TEX11: variants seen among roughly 807,000 people sequenced by gnomAD.
TEX11 encodes the protein testis-expressed protein 11.
In TEX11, 7 loss-of-function variants were observed where a neutral mutation model predicts 84.4. That is an observed-to-expected ratio of 0.08 (90% confidence interval 0.05 to 0.16). The LOEUF (loss-of-function observed/expected upper bound fraction) is 0.16, where lower values mean the gene tolerates loss of function less well. Ranked by LOEUF, TEX11 falls within the 10% of genes least tolerant of loss-of-function variation. The pLI, the probability that TEX11 is intolerant of heterozygous loss-of-function variation, is 1.00. For missense variants in TEX11, 551 were observed against 660.5 expected (o/e 0.83, Z 1.82); for synonymous variants, 264 against 222.8 (o/e 1.18, Z -1.64).
chrX:70,760,940 G>T (rs753853210), intron 9 of TEX11, among the ~76,000 whole-genome samples: 1 of 112,033 alleles, frequency 8.9e-6, no homozygotes, highest in Non-Finnish European at 1.9e-5. Context: ...CCATGAAAAA[G>T]TAGGCAAAGG....
chrX:70,792,597 G>A (rs1277337619), intron 9 of TEX11, among the ~76,000 whole-genome samples: 1 of 107,225 alleles, frequency 9.3e-6, no homozygotes, highest in East Asian at 2.9e-4. Context: ...AAAGATCAAC[G>A]AAACCAAAAC....
intron 13 of TEX11, among the ~76,000 whole-genome samples, chrX:70,716,922 CA>C (rs1434292926): frequency 8.9e-6 from 1 of 112,420 alleles, no homozygotes; most frequent in Non-Finnish European, 1.9e-5. Flanking sequence ...ATCTTGGCTC[CA>C]CCTCCAATTA....
intron 9 of TEX11, among the ~76,000 whole-genome samples, chrX:70,801,130 A>G (rs904758752): frequency 9.0e-6 from 1 of 111,180 alleles, no homozygotes; most frequent in African/African-American, 3.3e-5. Context: ...TTTCAGGGCA[A>G]AGTTTGATTT....
intron 13 of TEX11, among the ~76,000 whole-genome samples, chrX:70,711,304 A>G (rs1162767205): frequency 9.0e-6 from 1 of 111,328 alleles, no homozygotes; most frequent in Non-Finnish European, 1.9e-5. Flanking sequence ...GTATATACCC[A>G]GTAATGGGAT....
At chrX:70,683,377 T>A (rs1021855028) in intron 13 of TEX11, among the ~76,000 whole-genome samples, 2 of 112,041 alleles carry the variant, frequency 1.8e-5, no homozygotes, top group African/African-American at 3.2e-5. Context: ...ACGCCTGTAA[T>A]CCCAGCACTT....
At chrX:70,664,200 C>G (rs2089957054) in intron 16 of TEX11, among the ~76,000 whole-genome samples, 1 of 111,747 alleles carries the variant, frequency 8.9e-6, no homozygotes, top group African/African-American at 3.2e-5. Flanking sequence ...ATTGATTCAA[C>G]CTAATTTGAG....
chrX:70,845,851 T>C (rs1382113273), intron 7 of TEX11, among the ~76,000 whole-genome samples: 1 of 110,792 alleles, frequency 9.0e-6, no homozygotes, highest in Non-Finnish European at 1.9e-5. Flanking sequence ...AAATAGTTAA[T>C]TCGGCTCACA....
chrX:70,763,116 A>G (rs756611493), intron 9 of TEX11, among the ~76,000 whole-genome samples: 3 of 112,581 alleles, frequency 2.7e-5, no homozygotes, highest in Non-Finnish European at 3.7e-5. Flanking sequence ...TATATACCCA[A>G]AGGAAAATAA....
chrX:70,732,902 T>C (rs1309983008), intron 11 of TEX11, among the ~76,000 whole-genome samples: 9 of 111,822 alleles, frequency 8.0e-5, no homozygotes, highest in Non-Finnish European at 5.6e-5. Flanking sequence ...CTTCAAACTA[T>C]ACTACAAGGC....
chrX:70,651,289 C>T (rs1054305429), intron 17 of TEX11, among the ~76,000 whole-genome samples, 161 bp downstream of exon 17: 6 of 111,688 alleles, frequency 5.4e-5, no homozygotes, highest in South Asian at 3.7e-4. Flanking sequence ...TAACCTTCCA[C>T]GGTTTCTTTT....
At chrX:70,832,873 A>G (rs779754790) in intron 8 of TEX11, among the ~76,000 whole-genome samples, 2 of 111,045 alleles carry the variant, frequency 1.8e-5, no homozygotes, top group East Asian at 5.5e-4. Flanking sequence ...TTGTCAGCAG[A>G]CAAACTCATT....
chrX:70,737,977 A>G (rs977631095), intron 11 of TEX11, among the ~76,000 whole-genome samples: 1 of 111,859 alleles, frequency 8.9e-6, no homozygotes, highest in African/African-American at 3.2e-5. Flanking sequence ...CTTAAATGTA[A>G]AACCAAAACA....
intron 9 of TEX11, among the ~76,000 whole-genome samples, chrX:70,783,553 G>A (rs898110320): frequency 9.0e-6 from 1 of 111,299 alleles, no homozygotes; most frequent in African/African-American, 3.3e-5. Flanking sequence ...TTTTTGAAAA[G>A]ATCAACAAAA....
chrX:70,806,994 C>T (rs1324415124), intron 8 of TEX11, among the ~76,000 whole-genome samples: 1 of 112,205 alleles, frequency 8.9e-6, no homozygotes, highest in African/African-American at 3.2e-5. Flanking sequence ...CAAAACTTCT[C>T]AATTTGTATA....
intron 17 of TEX11, among the ~76,000 whole-genome samples, chrX:70,640,363 G>T (rs2147583543): frequency 9.6e-6 from 1 of 104,127 alleles, no homozygotes; most frequent in Non-Finnish European, 2.0e-5. Context: ...TTATCCAGGA[G>T]AATTTCCCCA....
intron 17 of TEX11, among the ~76,000 whole-genome samples, chrX:70,642,725 C>A (rs2147590752): frequency 1.5e-5 from 1 of 68,019 alleles, no homozygotes; most frequent in African/African-American, 5.6e-5. Flanking sequence ...AACAACCCTT[C>A]ATGCTAAAAA....
chrX:70,720,023 T>C (rs1367700545), intron 13 of TEX11, among the ~76,000 whole-genome samples: 1 of 111,976 alleles, frequency 8.9e-6, no homozygotes, highest in Non-Finnish European at 1.9e-5. Flanking sequence ...TTACTGGGTA[T>C]ATACCCAAAG....
At chrX:70,642,464 C>A (rs1382551903) in intron 17 of TEX11, among the ~76,000 whole-genome samples, 12 of 107,793 alleles carry the variant, frequency 1.1e-4, no homozygotes, top group Admixed American at 9.0e-4. Context: ...GAGACACAAC[C>A]AAAAAAGAGA....
intron 28 of TEX11, among the ~76,000 whole-genome samples, chrX:70,547,755 A>G (rs989082110): frequency 8.9e-6 from 1 of 112,066 alleles, no homozygotes; most frequent in African/African-American, 3.2e-5. Flanking sequence ...CGATCATTAA[A>G]AAGTCAGGAA....
Sources: gnomAD v4.1 joint callset for allele counts (sites outside exome capture counted in the v4.1 genomes callset) on GRCh38, gnomAD v4.1.1 for gene constraint, MANE v1.5 for transcripts, NCBI Gene and HGNC (gene_info 2026-07-23, HGNC 2026-07-21) for gene names.